Variants in CDH2 observed in about 807,000 individuals in gnomAD.
CDH2 encodes the protein cadherin-2.
A neutral mutation model predicts 92.0 loss-of-function variants in CDH2; 17 were observed. That is an observed-to-expected ratio of 0.18 (90% CI 0.13 to 0.28). CDH2 has a LOEUF of 0.28. Ranked by LOEUF, CDH2 falls within the 10% of genes least tolerant of loss-of-function variation. The pLI, the probability that CDH2 is intolerant of heterozygous loss-of-function variation, is 1.00. For synonymous variants in CDH2, 419 were observed against 415.9 expected (o/e 1.01, Z -0.09); for missense variants, 862 against 1,133.1 (o/e 0.76, Z 3.44).
At chr18:27,991,309 CTTCA>C (rs1158672256) in intron 9 of CDH2, among the ~76,000 whole-genome samples, 5 of 152,176 alleles carry the variant, frequency 3.3e-5, no homozygotes, top group Admixed American at 3.3e-4. Context: ...CATAAGAAAG[CTTCA>C]TTATCAGCAG....
rs745790569 is a variant in CDH2 at position 28,076,347 on chromosome 18, T to A, written c.173-62438A>T. ...TTACTATTTGCTAGCTGGATGTACT[T>A]GAGCAAGGCACTTTACTTCACTGAG... On this transcript the variant is annotated intron_variant, in intron 2 of 15. Coordinates refer to ENST00000269141, the MANE Select transcript of CDH2 (RefSeq NM_001792.5). Among the ~76,000 whole-genome samples, 5 of 152,298 alleles carry A rather than the reference T, an allele frequency of 3.3e-5. No homozygotes were observed. In the East Asian group the frequency reaches 9.7e-4, roughly 29 times the overall value.
rs140850830 is a variant in CDH2, at chr18:28,030,701, C to G, written c.173-16792G>C. Among the ~76,000 whole-genome samples, 334 of 151,940 alleles carry G rather than the reference C, an allele frequency of 2.2e-3. 1 individual carries two copies. Among genetic ancestry groups the G allele is most frequent in the Middle Eastern group, 0.014 (4 of 294 alleles). On this transcript the variant is annotated intron_variant, in intron 2 of 15. Transcript: ENST00000269141. ...CCACTTGACTCCAAAGAATGGGGCT[C>G]GGGCTGGGGCTGAGGCTGGGCTTGA...
chr18:27,975,980 T>C lies in CDH2; in HGVS notation c.2349+6964A>G, dbSNP rs1241386989. 2.6e-5 allele frequency among the ~76,000 whole-genome samples: 4 copies of C among 152,290 alleles called. No individual in the cohort carries two copies. In the East Asian group the frequency reaches 7.7e-4, roughly 29 times the overall value. The stretch of plus-strand genomic sequence containing the variant: ...CTGACATCCAGCTGCTTCTCTCTTC[T>C]ACCGGCTGAGTCTGGGGTCCTTATA... On this transcript the variant is annotated intron_variant, in intron 14 of 15. Coordinates refer to ENST00000269141, the MANE Select transcript of CDH2 (RefSeq NM_001792.5).
chr18:28,165,327 T>G (rs1314599355), intron 1 of CDH2, among the ~76,000 whole-genome samples: 1 of 152,114 alleles, frequency 6.6e-6, no homozygotes, highest in African/African-American at 2.4e-5. Context: ...GGACTATAGG[T>G]GTGTGCTCCC....
At chr18:28,030,046 G>A (rs2013653751) in intron 2 of CDH2, among the ~76,000 whole-genome samples, 1 of 152,014 alleles carries the variant, frequency 6.6e-6, no homozygotes, top group Non-Finnish European at 1.5e-5. Flanking sequence ...AACAAATCGA[G>A]TTAGGCTAAA....
At position 28,092,731 on chromosome 18, in the gene CDH2, T is replaced by C. The variant is rs560314762; in HGVS notation, c.172+54942A>G. 2.0e-5 allele frequency among the ~76,000 whole-genome samples: 3 copies of C among 152,262 alleles called. No homozygotes were observed. The East Asian group carries it at 5.8e-4, about 29-fold the overall frequency. On this transcript the variant is annotated intron_variant, in intron 2 of 15. Transcript: ENST00000269141. ...GTGGTATCAAATGACATTACTATAT[T>C]TCTAATTTTATTTACCTTTCTTAAA... is the stretch of plus-strand genomic sequence containing the variant.
intron 2 of CDH2, among the ~76,000 whole-genome samples, chr18:28,068,647 CT>C (rs1416284460): frequency 6.6e-6 from 1 of 152,190 alleles, no homozygotes; most frequent in Non-Finnish European, 1.5e-5. Context: ...ACTATTGACA[CT>C]TGATGTTCAC....
chr18:27,970,261 G>A (rs761441531), intron 14 of CDH2, among the ~76,000 whole-genome samples: 6 of 152,028 alleles, frequency 3.9e-5, no homozygotes, highest in Non-Finnish European at 5.9e-5. Flanking sequence ...TCTGTCTTGG[G>A]AGACAAAAGT....
At chr18:27,979,202 C>T (rs537048657) in intron 14 of CDH2, among the ~76,000 whole-genome samples, 6 of 152,136 alleles carry the variant, frequency 3.9e-5, no homozygotes, top group Admixed American at 1.3e-4. Flanking sequence ...AGTAGACAAA[C>T]AGGCTAAACA....
chr18:28,133,892 T>A (rs2015817388), intron 2 of CDH2, among the ~76,000 whole-genome samples: 1 of 151,926 alleles, frequency 6.6e-6, no homozygotes, highest in Middle Eastern at 3.2e-3. Flanking sequence ...GGCACAGTGG[T>A]TCACGTCTGT....
intron 7 of CDH2, among the ~76,000 whole-genome samples, chr18:27,999,653 T>G (rs1471143385): frequency 6.7e-6 from 1 of 149,686 alleles, no homozygotes; most frequent in Non-Finnish European, 1.5e-5. Flanking sequence ...CGCTTTTAAA[T>G]TTATATATAT....
chr18:27,947,592 A>G (rs1272205339), downstream of CDH2, among the ~76,000 whole-genome samples: 2 of 151,928 alleles, frequency 1.3e-5, no homozygotes, highest in African/African-American at 4.8e-5. Flanking sequence ...TTAAAGGTCA[A>G]TGGAATAGAA....
intron 1 of CDH2, among the ~76,000 whole-genome samples, chr18:28,169,788 G>A (rs2016437613): frequency 6.6e-6 from 1 of 152,168 alleles, no homozygotes; most frequent in Non-Finnish European, 1.5e-5. Context: ...AGCTCAAGCT[G>A]CTTTAAAGCA....
At position 28,040,506 on chromosome 18, in the gene CDH2, G is replaced by T. The variant is rs540058856; in HGVS notation, c.173-26597C>A. Among the ~76,000 whole-genome samples the T allele has an allele frequency of 2.0e-5, 3 of 152,182 alleles. No individual in the cohort carries two copies. The East Asian group carries it at 5.8e-4, about 29-fold the overall frequency. On this transcript the variant is annotated intron_variant, in intron 2 of 15. Coordinates refer to ENST00000269141, the MANE Select transcript of CDH2 (RefSeq NM_001792.5). ...GATAAAAATTATGTTCCAACAATCT[G>T]CAGTCAACACAAAAACCTTTAGGTT... is the stretch of plus-strand genomic sequence containing the variant.
chr18:27,975,632 C>A (rs560768226), intron 14 of CDH2, among the ~76,000 whole-genome samples: 1 of 152,216 alleles, frequency 6.6e-6, no homozygotes, highest in African/African-American at 2.4e-5. Flanking sequence ...CTCTGCTGTC[C>A]GCAGACAGCA....
chr18:28,005,930 T>C lies in CDH2; in HGVS notation c.766A>G (p.Asn256Asp). Reference sequence around the variant, plus strand: ...CTGTTGTCATTCATGTCAATAACATTGATGACAATGTCAATGGGGTTCTCC... The same window carrying C: ...CTGTTGTCATTCATGTCAATAACATCGATGACAATGTCAATGGGGTTCTCC... ...QVENPIDIVI[N>D]VIDMNDNRPE... The change falls in exon 6 of 16, where the codon AAT (asparagine) becomes GAT (aspartate). Residue 256 changes from asparagine (N) to aspartate (D), a missense_variant. Around this residue, in one of 5 missense-constraint regions of CDH2, gnomAD observed 564 missense variants for 722.2 expected, o/e 0.78. Transcript: ENST00000269141. 1 of 1,609,770 alleles carries C rather than the reference T, an allele frequency of 6.2e-7. No individual in the cohort carries two copies. Among genetic ancestry groups the C allele is most frequent in the Non-Finnish European group, 8.5e-7 (1 of 1,176,068 alleles).
At chr18:28,059,223 G>T (rs937093813) in intron 2 of CDH2, among the ~76,000 whole-genome samples, 1 of 152,210 alleles carries the variant, frequency 6.6e-6, no homozygotes, top group African/African-American at 2.4e-5. Context: ...TGATGACACT[G>T]TAACTTATGA....
chr18:27,982,064 TA>T (rs1461496741), intron 14 of CDH2, among the ~76,000 whole-genome samples: 1 of 152,188 alleles, frequency 6.6e-6, no homozygotes, highest in Non-Finnish European at 1.5e-5. Context: ...CATGATTTTG[TA>T]GAATCTAACC....
intron 6 of CDH2, among the ~76,000 whole-genome samples, chr18:27,938,788 A>G (rs17521839): frequency 0.01 from 1,555 of 152,292 alleles, 22 homozygotes; most frequent in African/African-American, 0.035. Context: ...CTGTGTGTGT[A>G]ATCTAGCAGA....
Sources: gnomAD v4.1 joint callset for allele counts (sites outside exome capture counted in the v4.1 genomes callset) on GRCh38, gnomAD v4.1.1 for gene constraint, gnomAD v4.1.1 regional missense constraint, MANE v1.5 for transcripts, NCBI Gene and HGNC (gene_info 2026-07-23, HGNC 2026-07-21) for gene names.